Variants in LMO4 observed in about 807,000 individuals in gnomAD.
LMO4 encodes the protein LIM domain transcription factor LMO4.
LMO4 carries 3 observed loss-of-function variants against 18.5 expected under a neutral mutation model. The ratio of observed to expected loss-of-function variants is 0.16; its 90% CI spans 0.07 to 0.42. The LOEUF is 0.42. LMO4 is among the 10% of genes least tolerant of loss of function. The pLI is 0.99. For synonymous variants in LMO4, 100 were observed against 88.1 expected (o/e 1.14, Z -0.76); for missense variants, 121 against 219.9 (o/e 0.55, Z 2.84).
At chr1:87,334,105 C>T (rs1239201012) in intron 2 of LMO4, among the ~76,000 whole-genome samples, 1 of 152,108 alleles carries the variant, frequency 6.6e-6, no homozygotes, top group East Asian at 1.9e-4. Context: ...TGTAAATGGC[C>T]TTTTGGTGTT....
chr1:87,334,721 C>T (rs1436741127), intron 2 of LMO4, among the ~76,000 whole-genome samples: 1 of 151,996 alleles, frequency 6.6e-6, no homozygotes, highest in Non-Finnish European at 1.5e-5. Context: ...GGGGAGGGGG[C>T]TGCAAGATGA....
At chr1:87,335,197 C>T (rs1438712672) in intron 2 of LMO4, among the ~76,000 whole-genome samples, 2 of 152,200 alleles carry the variant, frequency 1.3e-5, no homozygotes, top group Non-Finnish European at 2.9e-5. Flanking sequence ...CAAGTAGCTT[C>T]GGAAACTCCG....
chr1:87,342,831 T>C (rs1392695614), intron 4 of LMO4, among the ~76,000 whole-genome samples: 2 of 152,152 alleles, frequency 1.3e-5, no homozygotes, highest in East Asian at 3.9e-4. Flanking sequence ...TACTTCCTGG[T>C]GGAACATAAA....
chr1:87,335,817 A>T (rs973043518), intron 2 of LMO4, among the ~76,000 whole-genome samples: 2 of 151,852 alleles, frequency 1.3e-5, no homozygotes, highest in African/African-American at 4.8e-5. Context: ...TATCACTTTG[A>T]AGTCTGCCCA....
intron 1 of LMO4, among the ~76,000 whole-genome samples, chr1:87,329,601 G>A (rs1306356648): frequency 6.6e-6 from 1 of 151,456 alleles, no homozygotes; most frequent in Non-Finnish European, 1.5e-5. Context: ...TGTTTGGGGG[G>A]GTGGGGGTGG....
chr1:87,331,110 A>C (rs931312393), intron 1 of LMO4: 3 of 119,480 alleles, frequency 2.5e-5, no homozygotes, highest in African/African-American at 9.8e-5. Context: ...TTTAGCATTT[A>C]AATTGCTGAT....
chr1:87,331,947 G>T, intron 1 of LMO4, 66 bp from the exon 2 acceptor site: 1 of 1,312,262 alleles, frequency 7.6e-7, no homozygotes. Context: ...TCTCTCCGGC[G>T]ATTACTAACT....
chr1:87,342,204 A>C (rs1413212885), intron 4 of LMO4, among the ~76,000 whole-genome samples: 2 of 152,180 alleles, frequency 1.3e-5, no homozygotes, highest in Non-Finnish European at 2.9e-5. Flanking sequence ...TGAGATGGAA[A>C]ATGTTGCTAG....
At position 87,348,038 on chromosome 1, in the gene LMO4, A is replaced by T. The variant is rs1412919867; in HGVS notation, c.*3242A>T. 2.0e-5 allele frequency: 3 copies of T among 152,202 alleles called. No homozygotes were observed. Among genetic ancestry groups the T allele is most frequent in the African/African-American group, 7.2e-5 (3 of 41,452 alleles). The allele number at this position is 152,202 out of a possible 1,614,324, so 9.4% of individuals were successfully genotyped here. A position where few individuals can be genotyped will look rare whatever the true frequency, so the allele number is the denominator to read the frequency against. On this transcript the variant is annotated 3_prime_UTR_variant, in exon 5 of 5. Coordinates refer to ENST00000370544, the MANE Select transcript of LMO4 (RefSeq NM_006769.4). ...CCTTATTAACACTGATATTTGAAACAACTAATCATCTAAAAGGAAGCTCTT... is the reference window on the plus strand; with the variant it reads ...CCTTATTAACACTGATATTTGAAACTACTAATCATCTAAAAGGAAGCTCTT...
In LMO4 at chr1:87,348,723, A is replaced by G; in HGVS notation, c.*3927A>G. On this transcript the variant is annotated 3_prime_UTR_variant, in exon 5 of 5. Coordinates refer to ENST00000370544, the MANE Select transcript of LMO4 (RefSeq NM_006769.4). ...AAGTGAATACTGTTTTCAGTTGTGCAAGAAGTGCTTTATGCTAGTAGATAT... is the reference window on the plus strand; with the variant it reads ...AAGTGAATACTGTTTTCAGTTGTGCGAGAAGTGCTTTATGCTAGTAGATAT... 1.9e-6 allele frequency: 1 copy of G among 515,614 alleles called. No individual in the cohort carries two copies. The highest frequency in any genetic ancestry group is 3.9e-6 in the Non-Finnish European group (1 of 258,370). 31.9% of individuals were successfully genotyped at this position (515,614 alleles called of 1,614,324 possible).
At chr1:87,339,753 T>G in intron 3 of LMO4, 121 bp downstream of exon 3, 2 of 706,588 alleles carry the variant, frequency 2.8e-6, no homozygotes, top group Admixed American at 2.4e-5. Flanking sequence ...CTTGAAGGAA[T>G]GATTGAAATT....
At chr1:87,329,569 A>AT (rs1006723438) in intron 1 of LMO4, among the ~76,000 whole-genome samples, 1 of 105,050 alleles carries the variant, frequency 9.5e-6, no homozygotes, top group Admixed American at 1.5e-4. Flanking sequence ...TTAGATGAGG[A>AT]TTTTAAGTAT....
intron 1 of LMO4, 167 bp from the exon 2 acceptor site, chr1:87,331,840 GCCTCCC>G: frequency 5.1e-6 from 3 of 584,942 alleles, no homozygotes; most frequent in South Asian, 2.2e-5. Context: ...CTGCCGGCGA[GCCTCCC>G]TTCTTCCCTC....
chr1:87,334,630 C>T (rs1363286991), intron 2 of LMO4, among the ~76,000 whole-genome samples: 1 of 152,128 alleles, frequency 6.6e-6, no homozygotes, highest in Admixed American at 6.5e-5. Flanking sequence ...ACTGTCTTGA[C>T]TTTGAGTTGT....
chr1:87,341,223 G>A (rs1057005514), intron 4 of LMO4, among the ~76,000 whole-genome samples: 7 of 152,186 alleles, frequency 4.6e-5, no homozygotes, highest in East Asian at 1.9e-4. Context: ...TCTTTACAGC[G>A]CCACTTGCAT....
intron 3 of LMO4, 53 bp downstream of exon 3, chr1:87,339,685 C>A: frequency 8.8e-7 from 1 of 1,136,596 alleles, no homozygotes; most frequent in Non-Finnish European, 1.3e-6. Flanking sequence ...ACCTTTCCTA[C>A]CTACATGGGG....
rs190437534 is a variant in LMO4, at chr1:87,348,631, C to T, written c.*3835C>T. On this transcript the variant is annotated 3_prime_UTR_variant, in exon 5 of 5. Coordinates refer to ENST00000370544, the MANE Select transcript of LMO4 (RefSeq NM_006769.4). ...GGCATTTGTAGCCCTCTGCTCCCAT[C>T]GTGAACATGCTGAGAGCAATGACAA... 57 of 460,858 alleles carry T rather than the reference C, an allele frequency of 1.2e-4. No homozygotes were observed. In the Admixed American group the frequency reaches 1.3e-3, roughly 11 times the overall value. 28.5% of individuals were successfully genotyped at this position (460,858 alleles called of 1,614,324 possible).
In LMO4 at chr1:87,340,142, A is replaced by G. The variant is rs1650434996; in HGVS notation, c.429A>G (p.Thr143=). 9.9e-6 allele frequency: 16 copies of G among 1,614,012 alleles called. No individual in the cohort carries two copies. Among genetic ancestry groups the G allele is most frequent in the Middle Eastern group, 3.3e-4 (2 of 6,082 alleles). Residue 143 remains threonine (T), a synonymous_variant, in exon 4 of 5, where the codon ACA becomes ACG. Coordinates refer to ENST00000370544, the MANE Select transcript of LMO4 (RefSeq NM_006769.4). ...TATTTTGTGAACATGATAGACCTACAGCTCTCATCAATGGCCATTTGAATT... is the reference window on the plus strand; with the variant it reads ...TATTTTGTGAACATGATAGACCTACGGCTCTCATCAATGGCCATTTGAATT... ...GSLFCEHDRP[T]ALINGHLNSL...
chr1:87,336,286 A>AT (rs1650311051), intron 2 of LMO4, among the ~76,000 whole-genome samples: 1 of 152,204 alleles, frequency 6.6e-6, no homozygotes, highest in Non-Finnish European at 1.5e-5. Flanking sequence ...GGTTGCTGAT[A>AT]TTTACTTGCA....
Sources: gnomAD v4.1 joint callset for allele counts (sites outside exome capture counted in the v4.1 genomes callset) on GRCh38, gnomAD v4.1.1 for gene constraint, MANE v1.5 for transcripts, NCBI Gene and HGNC (gene_info 2026-07-23, HGNC 2026-07-21) for gene names.